The following PDE3B variants were observed in gnomAD, a reference collection of about 807,000 sequenced individuals.
PDE3B encodes cGMP-inhibited 3',5'-cyclic phosphodiesterase 3B.
A neutral mutation model predicts 116.8 loss-of-function variants in PDE3B; 66 were observed. The observed-to-expected ratio is 0.56, with a 90% CI of 0.46 to 0.69. The LOEUF is 0.69. Ranked by LOEUF, PDE3B falls within the 30% of genes least tolerant of loss-of-function variation. PDE3B has a pLI of 0.00. For missense variants in PDE3B, 1,384 were observed against 1,368.1 expected (o/e 1.01, Z -0.18); for synonymous variants, 595 against 533.6 (o/e 1.12, Z -1.59).
At chr11:14,806,916 A>G (rs542011280) in intron 5 of PDE3B, among the ~76,000 whole-genome samples, 18 of 152,118 alleles carry the variant, frequency 1.2e-4, no homozygotes, top group African/African-American at 4.1e-4. Context: ...TACACCATGG[A>G]ATACTATGCA....
intron 1 of PDE3B, among the ~76,000 whole-genome samples, chr11:14,675,361 A>C (rs1181268462): frequency 6.6e-6 from 1 of 151,978 alleles, no homozygotes; most frequent in Non-Finnish European, 1.5e-5. Context: ...ATTGTTATTC[A>C]TTTTATTTTT....
intron 1 of PDE3B, among the ~76,000 whole-genome samples, chr11:14,652,481 A>G (rs1023493812): frequency 6.6e-6 from 1 of 152,174 alleles, no homozygotes; most frequent in Non-Finnish European, 1.5e-5. Flanking sequence ...AGATTCCAAT[A>G]TGAATTTTAG....
At chr11:14,736,148 G>T (rs963387733) in intron 1 of PDE3B, among the ~76,000 whole-genome samples, 1 of 152,176 alleles carries the variant, frequency 6.6e-6, no homozygotes, top group African/African-American at 2.4e-5. Flanking sequence ...GATAGGATGG[G>T]CTTATTACTG....
intron 1 of PDE3B, among the ~76,000 whole-genome samples, chr11:14,696,507 A>G (rs1023867476): frequency 3.9e-5 from 6 of 152,038 alleles, no homozygotes; most frequent in Non-Finnish European, 7.4e-5. Flanking sequence ...TTTGTGTATC[A>G]TTGTCATTTT....
At position 14,764,433 on chromosome 11, in the gene PDE3B, C is replaced by T. The variant is rs191777831; in HGVS notation, c.979-7504C>T. 2.7e-4 allele frequency among the ~76,000 whole-genome samples: 41 copies of T among 152,222 alleles called. No individual in the cohort carries two copies. The East Asian group carries it at 7.7e-3, about 29-fold the overall frequency. Reference sequence around the variant, plus strand: ...ACAAATGCTGAGTAATCAGTAGAATCACTAAGCCTCAACTTCTCCATATAT... The same window carrying T: ...ACAAATGCTGAGTAATCAGTAGAATTACTAAGCCTCAACTTCTCCATATAT... On this transcript the variant is annotated intron_variant, in intron 1 of 15. Coordinates refer to ENST00000282096, the MANE Select transcript of PDE3B (RefSeq NM_000922.4).
intron 1 of PDE3B, among the ~76,000 whole-genome samples, chr11:14,724,262 C>T (rs1856212810): frequency 1.3e-5 from 2 of 152,118 alleles, no homozygotes; most frequent in Non-Finnish European, 2.9e-5. Context: ...TCCTACTTGC[C>T]TATCTGTGTG....
At chr11:14,836,982 T>C (rs938394494) in intron 11 of PDE3B, among the ~76,000 whole-genome samples, 4 of 152,172 alleles carry the variant, frequency 2.6e-5, no homozygotes, top group East Asian at 1.9e-4. Flanking sequence ...CCTGGCTAAT[T>C]TTTCGTATTT....
intron 1 of PDE3B, among the ~76,000 whole-genome samples, chr11:14,744,183 C>G (rs1856844256): frequency 6.6e-6 from 1 of 152,116 alleles, no homozygotes. Flanking sequence ...ATTACTGTAG[C>G]TTTTATAATC....
chr11:14,869,563 AATGTAAAGCTG>A lies in PDE3B; in HGVS notation c.3246_3256del (p.Cys1082TrpfsTer3). 6.2e-7 allele frequency: 1 copy of A among 1,613,978 alleles called. No individual in the cohort carries two copies. The highest frequency in any genetic ancestry group is 8.5e-7 in the Non-Finnish European group (1 of 1,179,988). ...AAGGAAATCGTAGAGGAAGAAGAAA[AATGTAAAGCTG>A]ATGGGAATAAACTGCAGGTGGAGAA... On this transcript the variant is annotated frameshift_variant, in exon 16 of 16. Transcript: ENST00000282096. LOFTEE classifies it high-confidence loss of function.
chr11:14,889,836 C>T, the PDE3B span, among the ~76,000 whole-genome samples: 1 of 151,974 alleles, frequency 6.6e-6, no homozygotes, highest in Non-Finnish European at 1.5e-5. Flanking sequence ...TGTATAGAAA[C>T]TAATAACATA....
At chr11:14,669,951 G>T (rs1157633333) in intron 1 of PDE3B, among the ~76,000 whole-genome samples, 1 of 152,090 alleles carries the variant, frequency 6.6e-6, no homozygotes, top group Non-Finnish European at 1.5e-5. Flanking sequence ...TCTTTATATT[G>T]CATATCCTCT....
the PDE3B span, among the ~76,000 whole-genome samples, chr11:14,884,681 T>C: frequency 6.6e-6 from 1 of 151,756 alleles, no homozygotes; most frequent in Non-Finnish European, 1.5e-5. Context: ...TAAAGTATAA[T>C]AATAATTTAA....
intron 1 of PDE3B, among the ~76,000 whole-genome samples, chr11:14,715,189 A>G (rs1001572033): frequency 1.6e-4 from 25 of 152,234 alleles, no homozygotes; most frequent in Non-Finnish European, 2.2e-4. Context: ...AAAATCAGGT[A>G]GCGTGATGCC....
the PDE3B span, chr11:14,880,831 A>G: frequency 6.7e-7 from 1 of 1,499,724 alleles, no homozygotes. Context: ...AATGAAAGGG[A>G]ACAAAATTTT....
intron 5 of PDE3B, among the ~76,000 whole-genome samples, chr11:14,807,103 A>G (rs1180638014): frequency 6.6e-6 from 1 of 152,036 alleles, no homozygotes; most frequent in Non-Finnish European, 1.5e-5. Context: ...ACTGGGACCA[A>G]TCTGAGGCTG....
chr11:14,725,261 TTCTTTCTC>T, intron 1 of PDE3B, among the ~76,000 whole-genome samples: 1 of 146,460 alleles, frequency 6.8e-6, no homozygotes, highest in African/African-American at 2.8e-5. Context: ...CTTTCGTTCT[TTCTTTCTC>T]TTTCTTTTTC....
intron 1 of PDE3B, among the ~76,000 whole-genome samples, chr11:14,662,965 A>G (rs1405781073): frequency 6.6e-6 from 1 of 152,074 alleles, no homozygotes; most frequent in Admixed American, 6.5e-5. Context: ...GAACGCCACA[A>G]AGATACTCCT....
the PDE3B span, chr11:14,879,474 G>T: frequency 6.5e-7 from 1 of 1,528,156 alleles, no homozygotes; most frequent in Non-Finnish European, 8.9e-7. Context: ...AAGTTATTAT[G>T]CAGTTCTTAG....
intron 1 of PDE3B, among the ~76,000 whole-genome samples, chr11:14,674,746 A>C (rs1471350773): frequency 6.6e-6 from 1 of 152,192 alleles, no homozygotes; most frequent in African/African-American, 2.4e-5. Context: ...TGTAGCACTT[A>C]CACTTAGGGA....
Sources: allele counts gnomAD v4.1 joint callset (sites outside exome capture counted in the v4.1 genomes callset), GRCh38; gene constraint gnomAD v4.1.1; transcripts MANE v1.5; gene names NCBI Gene and HGNC (gene_info 2026-07-23, HGNC 2026-07-21).